KMT2C: variants seen among roughly 807,000 people sequenced by gnomAD.
KMT2C encodes the protein histone-lysine N-methyltransferase 2C.
Under a neutral mutation model 507.9 loss-of-function variants are expected in KMT2C, and 88 were observed. The ratio of observed to expected loss-of-function variants is 0.17; its 90% CI spans 0.15 to 0.21. The LOEUF (loss-of-function observed/expected upper bound fraction) is 0.21, where lower values mean the gene tolerates loss of function less well. KMT2C is among the 10% of genes least tolerant of loss of function. The pLI is 1.00. For missense variants in KMT2C, 4,954 were observed against 5,957.8 expected (o/e 0.83, Z 5.55); for synonymous variants, 2,049 against 2,080.8 (o/e 0.98, Z 0.42).
intron 9 of KMT2C, among the ~76,000 whole-genome samples, chr7:152,259,506 G>T (rs2095730048): frequency 6.9e-6 from 1 of 144,350 alleles, no homozygotes. Flanking sequence ...AGCAAGAGAG[G>T]GCATGCCCAG....
chr7:152,141,256 G>A (rs2090500338), intron 55 of KMT2C, among the ~76,000 whole-genome samples: 2 of 151,760 alleles, frequency 1.3e-5, no homozygotes, highest in Admixed American at 1.3e-4. Flanking sequence ...CATGAGAATC[G>A]CTTTAATCTG....
At chr7:152,282,011 G>C (rs149156856) in intron 6 of KMT2C, among the ~76,000 whole-genome samples, 1 of 121,080 alleles carries the variant, frequency 8.3e-6, no homozygotes, top group Admixed American at 8.3e-5. Flanking sequence ...ATAACATATG[G>C]ACAGGCACGG....
intron 6 of KMT2C, among the ~76,000 whole-genome samples, chr7:152,300,821 A>G (rs2096559216): frequency 6.6e-6 from 1 of 152,114 alleles, no homozygotes; most frequent in African/African-American, 2.4e-5. Context: ...GCACTTTGGG[A>G]GGCTGAGGCG....
intron 4 of KMT2C, among the ~76,000 whole-genome samples, chr7:152,314,333 T>G (rs1325193897): frequency 2.0e-5 from 3 of 152,186 alleles, no homozygotes; most frequent in Non-Finnish European, 2.9e-5. Flanking sequence ...GAGGCAGTGT[T>G]AGCTTTGCAA....
chr7:152,147,035 T>C (rs942816560), intron 52 of KMT2C, among the ~76,000 whole-genome samples: 4 of 152,242 alleles, frequency 2.6e-5, no homozygotes, highest in South Asian at 2.1e-4. Flanking sequence ...CCATATAACA[T>C]ACCAGATTTT....
At chr7:152,339,332 T>C (rs1213462454) in intron 2 of KMT2C, among the ~76,000 whole-genome samples, 1 of 152,242 alleles carries the variant, frequency 6.6e-6, no homozygotes, top group Non-Finnish European at 1.5e-5. Context: ...CACAGTGGTA[T>C]TGGTGGATAC....
rs774481798 is a variant in KMT2C at position 152,192,268 on chromosome 7, C to T, written c.4660+1741G>A. Among the ~76,000 whole-genome samples the T allele has an allele frequency of 1.2e-4, 19 of 152,218 alleles. 1 individual carries two copies. Among genetic ancestry groups the T allele is most frequent in the Admixed American group, 6.5e-5 (1 of 15,286 alleles). On this transcript the variant is annotated intron_variant, in intron 31 of 58. Coordinates refer to ENST00000262189, the MANE Select transcript of KMT2C (RefSeq NM_170606.3). ...GTTAAAACAGCATATGGGGGCTGGG[C>T]GCGGTGGCTCACGCCTGTAATCCCA...
At chr7:152,314,767 A>G (rs150765011) in intron 4 of KMT2C, among the ~76,000 whole-genome samples, 1 of 152,296 alleles carries the variant, frequency 6.6e-6, no homozygotes, top group East Asian at 1.9e-4. Context: ...GCTTATTTAG[A>G]GAAACAAAAG....
rs749571160 is a variant in KMT2C, at chr7:152,145,259, G to C, written c.14068C>G (p.Arg4690Gly). 6.2e-7 allele frequency: 1 copy of C among 1,614,116 alleles called. No individual in the cohort carries two copies. The highest frequency in any genetic ancestry group is 8.5e-7 in the Non-Finnish European group (1 of 1,180,008). ...TCCATGAGAGGATTTCGGCCGTATC[G>C]GAAGGTATAATTTTCACATGCCTCA... ...GVEACENYTF[R>G]YGRNPLMELP... The change falls in exon 54 of 59, where the codon CGA (arginine) becomes GGA (glycine). Residue 4690 changes from arginine to glycine, a missense_variant. Transcript: ENST00000262189.
chr7:152,398,955 T>G (rs2097554338), intron 1 of KMT2C, among the ~76,000 whole-genome samples: 1 of 151,706 alleles, frequency 6.6e-6, no homozygotes, highest in African/African-American at 2.4e-5. Context: ...AGCCTCTGAG[T>G]AGGTAGGACT....
At chr7:152,245,348 G>A (rs1417717511) in intron 14 of KMT2C, among the ~76,000 whole-genome samples, 6 of 152,130 alleles carry the variant, frequency 3.9e-5, no homozygotes, top group African/African-American at 1.4e-4. Flanking sequence ...CATCATATGT[G>A]ACCACTGAGC....
At chr7:152,297,039 AAGAAAGAAAGAAAGACAGAGAG>A in intron 6 of KMT2C, among the ~76,000 whole-genome samples, 1 of 93,192 alleles carries the variant, frequency 1.1e-5, no homozygotes, top group African/African-American at 5.1e-5. Context: ...GAAAGAAAGA[AAGAAAGAAAGAAAGACAGAGAG>A]AGAGAGAGAG....
intron 23 of KMT2C, among the ~76,000 whole-genome samples, chr7:152,219,414 T>C (rs187015359): frequency 3.3e-5 from 5 of 152,252 alleles, no homozygotes; most frequent in Middle Eastern, 3.4e-3. Flanking sequence ...ACTGATATGA[T>C]TTCCAACATC....
At chr7:152,370,110 C>T (rs1345822848) in intron 1 of KMT2C, among the ~76,000 whole-genome samples, 6 of 151,660 alleles carry the variant, frequency 4.0e-5, no homozygotes, top group South Asian at 2.1e-4. Flanking sequence ...AGGAGAATGG[C>T]GTGAACCCTG....
intron 44 of KMT2C, among the ~76,000 whole-genome samples, chr7:152,157,364 A>C (rs1421662613): frequency 6.6e-6 from 1 of 151,822 alleles, no homozygotes; most frequent in Non-Finnish European, 1.5e-5. Context: ...TCTAGGAATT[A>C]CTTGTAATTA....
chr7:152,409,674 T>A (rs2097660932), intron 1 of KMT2C, among the ~76,000 whole-genome samples: 1 of 152,066 alleles, frequency 6.6e-6, no homozygotes, highest in African/African-American at 2.4e-5. Flanking sequence ...GAGCTTGCAG[T>A]GAGCTGAGAT....
In KMT2C at chr7:152,179,281, C is replaced by T. The variant is rs541351818; in HGVS notation, c.7442+553G>A. 2.2e-3 allele frequency among the ~76,000 whole-genome samples: 335 copies of T among 152,328 alleles called. 3 individuals carry two copies. Among genetic ancestry groups the T allele is most frequent in the Middle Eastern group, 0.01 (3 of 294 alleles). On this transcript the variant is annotated intron_variant, in intron 37 of 58. Transcript: ENST00000262189. ...AAAGTATTGGGATTACAGGCCTGAG[C>T]CACTGCGCCCAGCCTAAAATTAATT...
At position 152,297,060 on chromosome 7, in the gene KMT2C, AGAGAG is replaced by A. The variant is rs1563767746; in HGVS notation, c.849+12901_849+12905del. 1.4e-3 allele frequency among the ~76,000 whole-genome samples: 141 copies of A among 97,570 alleles called. 1 individual carries two copies. The highest frequency in any genetic ancestry group is 6.8e-3 in the African/African-American group (128 of 18,862). The allele number at this position is 97,570 out of a possible 152,430, so 64.0% of individuals were successfully genotyped here. On this transcript the variant is annotated intron_variant, in intron 6 of 58. Transcript: ENST00000262189. Reference sequence around the variant, plus strand: ...AAGAAAGAAAGAAAGAAAGACAGAGAGAGAGAGAGAGAGAGAGAGAGAGAGAGAGA... The same window carrying A: ...AAGAAAGAAAGAAAGAAAGACAGAGAAGAGAGAGAGAGAGAGAGAGAGAGA...
intron 14 of KMT2C, among the ~76,000 whole-genome samples, chr7:152,241,588 A>G (rs1249359208): frequency 1.3e-5 from 2 of 152,048 alleles, no homozygotes; most frequent in African/African-American, 4.8e-5. Flanking sequence ...CTCTCTTACC[A>G]CACCATTAGT....
Sources: allele counts gnomAD v4.1 joint callset (sites outside exome capture counted in the v4.1 genomes callset), GRCh38; gene constraint gnomAD v4.1.1; transcripts MANE v1.5; gene names NCBI Gene and HGNC (gene_info 2026-07-23, HGNC 2026-07-21).